GFM2: variants seen among roughly 807,000 people sequenced by gnomAD.
GFM2 encodes ribosome-releasing factor 2, mitochondrial.
In GFM2, 72 loss-of-function variants were observed where a neutral mutation model predicts 95.4. The ratio of observed to expected loss-of-function variants is 0.76; its 90% CI spans 0.62 to 0.92. The LOEUF is 0.92. Among genes scored for constraint, GFM2 ranks in the 40% least tolerant of loss-of-function variants. GFM2 has a pLI of 0.00. For missense variants in GFM2, 825 were observed against 924.1 expected (o/e 0.89, Z 1.39); for synonymous variants, 276 against 317.5 (o/e 0.87, Z 1.39).
intron 1 of GFM2, among the ~76,000 whole-genome samples, chr5:74,766,053 C>G (rs1334565607): frequency 1.3e-5 from 2 of 149,906 alleles, no homozygotes; most frequent in African/African-American, 4.9e-5. Context: ...AGCCTGTAAT[C>G]CCAACACTTT....
At chr5:74,748,696 C>A (rs1014320051) in intron 7 of GFM2, among the ~76,000 whole-genome samples, 2 of 151,624 alleles carry the variant, frequency 1.3e-5, no homozygotes, top group African/African-American at 4.8e-5. Flanking sequence ...GAAACTCTGT[C>A]TCTACTAAAA....
intron 10 of GFM2, among the ~76,000 whole-genome samples, chr5:74,742,327 A>G (rs1166232863): frequency 2.6e-5 from 4 of 152,036 alleles, no homozygotes; most frequent in Non-Finnish European, 1.5e-5. Flanking sequence ...TCCTTCTGGA[A>G]AGCATTATAT....
chr5:74,749,170 C>T (rs528969479), intron 7 of GFM2, among the ~76,000 whole-genome samples: 233 of 151,814 alleles, frequency 1.5e-3, no homozygotes, highest in African/African-American at 5.4e-3. Context: ...CACGCCACCA[C>T]ACCCAGCTAA....
chr5:74,744,252 C>G (rs1743266677), intron 10 of GFM2, among the ~76,000 whole-genome samples: 1 of 151,902 alleles, frequency 6.6e-6, no homozygotes, highest in African/African-American at 2.4e-5. Flanking sequence ...TTGTGTATCT[C>G]AACATAGAAA....
intron 5 of GFM2, among the ~76,000 whole-genome samples, chr5:74,754,305 GAAA>G (rs3031208): frequency 1.8e-5 from 2 of 109,864 alleles, no homozygotes; most frequent in East Asian, 3.0e-4. Flanking sequence ...ATAATACAAT[GAAA>G]AAAAAAAAAA....
At chr5:74,728,177 C>A (rs1750234697) in intron 17 of GFM2, among the ~76,000 whole-genome samples, 1 of 152,104 alleles carries the variant, frequency 6.6e-6, no homozygotes, top group Non-Finnish European at 1.5e-5. Context: ...GCGTGCTAAA[C>A]CCCCATGCAG....
chr5:74,753,221 C>G (rs72764650), intron 5 of GFM2, among the ~76,000 whole-genome samples: 22,259 of 152,096 alleles, frequency 0.15, 1,884 homozygotes, highest in African/African-American at 0.22. Flanking sequence ...TAAACAATCA[C>G]AACTTCTGGA....
At chr5:74,724,083 TAGG>T (rs1429245243) in intron 19 of GFM2, among the ~76,000 whole-genome samples, 1 of 152,132 alleles carries the variant, frequency 6.6e-6, no homozygotes, top group African/African-American at 2.4e-5. Context: ...GTACTTCCAT[TAGG>T]AGTGTTTTGT....
rs773579064 is a variant in GFM2, at chr5:74,722,453, CTCT to C, written c.2134_2136del (p.Arg712del). On this transcript the variant is annotated inframe_deletion, in exon 20 of 21. Transcript: ENST00000296805. ...CGAGTCTGAATTTCCTGAATGTTTC[CTCT>C]TCTTTGTGCCAGATCTGCCAGGACA... The C allele has an allele frequency of 3.1e-6, 5 of 1,613,992 alleles. No individual in the cohort carries two copies. Among genetic ancestry groups the C allele is most frequent in the Non-Finnish European group, 4.2e-6 (5 of 1,179,918 alleles).
At chr5:74,762,317 G>A (rs1190393753) in intron 2 of GFM2, among the ~76,000 whole-genome samples, 1 of 152,134 alleles carries the variant, frequency 6.6e-6, no homozygotes, top group Non-Finnish European at 1.5e-5. Flanking sequence ...ACCTCAGATA[G>A]TACAGAACCT....
intron 10 of GFM2, among the ~76,000 whole-genome samples, chr5:74,744,534 A>G (rs1579996836): frequency 6.6e-6 from 1 of 152,196 alleles, no homozygotes; most frequent in South Asian, 2.1e-4. Context: ...ATATATACTA[A>G]CAATATAATA....
chr5:74,765,138 T>G, intron 1 of GFM2: 1 of 1,197,930 alleles, frequency 8.3e-7, no homozygotes, highest in Non-Finnish European at 1.1e-6. Flanking sequence ...CCTCATAGTC[T>G]CTCCACAGTT....
chr5:74,733,068 C>G lies in GFM2; in HGVS notation c.1541G>C (p.Arg514Pro), dbSNP rs755301816. 1 of 1,612,586 alleles carries G rather than the reference C, an allele frequency of 6.2e-7. No individual in the cohort carries two copies. The highest frequency in any genetic ancestry group is 8.5e-7 in the Non-Finnish European group (1 of 1,178,754). Residue 514 changes from arginine to proline, a missense_variant, in exon 16 of 21, where the codon CGT (arginine) becomes CCT (proline). Transcript: ENST00000296805. ...CCTCACTTTCAAACTGGGATCTTCA[C>G]GCTGAAGACATTTCAACGCATGTTC... ...DLEHALKCLQREDPSLKVRLD... is the reference protein window; with the variant it reads ...DLEHALKCLQPEDPSLKVRLD...
rs750390883 is a variant in GFM2, at chr5:74,750,612, T to G, written c.486A>C (p.Ala162=). The change falls in exon 7 of 21, where the codon GCA becomes GCC. Residue 162 remains alanine (A), a synonymous_variant. Transcript: ENST00000296805. ...CAGCAGAGGCATCAAATACAGCCAC[T>G]GCACCATCCAACACTCTTAGGCACC... The part of the protein sequence containing the change: ...VERCLRVLDG[A]VAVFDASAGV... 7.4e-5 allele frequency: 120 copies of G among 1,613,342 alleles called. 1 individual carries two copies. The highest frequency in any genetic ancestry group is 4.1e-5 in the Non-Finnish European group (48 of 1,179,570).
At chr5:74,724,086 G>C (rs1183317825) in intron 19 of GFM2, among the ~76,000 whole-genome samples, 1 of 152,110 alleles carries the variant, frequency 6.6e-6, no homozygotes, top group African/African-American at 2.4e-5. Context: ...CTTCCATTAG[G>C]AGTGTTTTGT....
intron 9 of GFM2, 60 bp from the exon 10 acceptor site, chr5:74,745,917 G>T: frequency 7.3e-7 from 1 of 1,373,570 alleles, no homozygotes; most frequent in South Asian, 1.3e-5. Context: ...CTACAATGAT[G>T]ACAAGTCTTT....
chr5:74,728,770 T>TTTTTTTTTTTTTTTTTTTTTTTTGAGA (rs756604027), intron 17 of GFM2, among the ~76,000 whole-genome samples: 1 of 113,794 alleles, frequency 8.8e-6, no homozygotes, highest in Non-Finnish European at 1.8e-5. Flanking sequence ...TTTTTTTTTT[T>TTTTTTTTTTTTTTTTTTTTTTTTGAGA]TTTTGAGATG....
intron 19 of GFM2, 64 bp downstream of exon 19, chr5:74,725,576 A>G: frequency 9.3e-7 from 1 of 1,074,224 alleles, no homozygotes; most frequent in Non-Finnish European, 1.4e-6. Context: ...GCTGTCTGCA[A>G]GATCAGTGGT....
intron 1 of GFM2, among the ~76,000 whole-genome samples, chr5:74,766,677 T>A (rs375010693): frequency 6.6e-6 from 1 of 152,374 alleles, no homozygotes; most frequent in South Asian, 2.1e-4. Context: ...AGTTCCATTT[T>A]TCTGTACACT....
Sources: gnomAD v4.1 joint callset for allele counts (sites outside exome capture counted in the v4.1 genomes callset) on GRCh38, gnomAD v4.1.1 for gene constraint, MANE v1.5 for transcripts, NCBI Gene and HGNC (gene_info 2026-07-23, HGNC 2026-07-21) for gene names.